The following SETD4 variants were observed in gnomAD, a reference collection of about 807,000 sequenced individuals.
SETD4 encodes SET domain containing 4, also known as SET domain-containing protein 4.
Under a neutral mutation model 58.3 loss-of-function variants are expected in SETD4, and 46 were observed. The observed-to-expected ratio is 0.79, with a 90% CI of 0.62 to 1.01. The LOEUF is 1.01. SETD4 is among the 50% of genes least tolerant of loss of function. The probability of loss-of-function intolerance (pLI) is 0.00; values close to 1 mark genes in which losing one functional copy is unlikely to be tolerated. For missense variants in SETD4, 490 were observed against 523.3 expected, an observed-to-expected ratio of 0.94 and a Z score of 0.62; for synonymous variants, 190 against 202.6, an observed-to-expected ratio of 0.94 and a Z score of 0.53.
intron 7 of SETD4, chr21:36,042,273 C>T (rs1488426760): frequency 6.5e-6 from 1 of 154,260 alleles, no homozygotes; most frequent in Non-Finnish European, 1.4e-5. Flanking sequence ...AACCAGAATT[C>T]AAAGCAGTCT....
rs1269784010 is a variant in SETD4, at chr21:36,036,240, C to T, written c.1200G>A (p.Met400Ile). ...TTATCAGGGCCTCTTTTTCATCCTT[C>T]ATATGAGACACCTGAAAGTTATTTT... ...TNAVLQKVSHMKDEKEALINQ... is the reference protein window; with the variant it reads ...TNAVLQKVSHIKDEKEALINQ... The change falls in exon 11 of 12, where the codon ATG becomes ATA. Residue 400 changes from methionine to isoleucine, a missense_variant. Met to Ile is a conservative substitution (Grantham distance 10). Transcript: ENST00000332131. 6.3e-7 allele frequency: 1 copy of T among 1,593,690 alleles called. No homozygotes were observed. Among genetic ancestry groups the T allele is most frequent in the East Asian group, 2.2e-5 (1 of 44,758 alleles).
In SETD4 at chr21:36,045,783, G is replaced by A. The variant is rs1432883305; in HGVS notation, c.525C>T (p.Asp175=). 3.7e-6 allele frequency: 6 copies of A among 1,614,208 alleles called. No individual in the cohort carries two copies. The highest frequency in any genetic ancestry group is 5.1e-6 in the Non-Finnish European group (6 of 1,180,036). ...HVQEFFASSR[D]FFSSLQPLFA... ...ACAGAGGCTGCAGAGAAGAGAAAAAGTCTCTGGAGGAAGCAAAGAACTCCT... is the reference window on the plus strand; with the variant it reads ...ACAGAGGCTGCAGAGAAGAGAAAAAATCTCTGGAGGAAGCAAAGAACTCCT... Residue 175 remains aspartate, a synonymous_variant, in exon 6 of 12, where the codon GAC becomes GAT. Coordinates refer to ENST00000332131, the MANE Select transcript of SETD4 (RefSeq NM_017438.5).
chr21:36,039,959 C>G (rs1176264611), intron 9 of SETD4, among the ~76,000 whole-genome samples: 1 of 152,238 alleles, frequency 6.6e-6, no homozygotes, highest in East Asian at 1.9e-4. Context: ...CCCTGGATAT[C>G]TAGCAGCAGA....
intron 9 of SETD4, among the ~76,000 whole-genome samples, chr21:36,038,660 AG>A (rs939108878): frequency 1.4e-4 from 21 of 152,254 alleles, no homozygotes; most frequent in African/African-American, 4.8e-4. Context: ...GAGCAAAGGC[AG>A]AAGTTTTCCT....
chr21:36,050,250 T>C, intron 4 of SETD4: 3 of 1,501,336 alleles, frequency 2.0e-6, no homozygotes, highest in East Asian at 2.3e-5. Flanking sequence ...GTTGTGGTTT[T>C]TGATAGATTG....
At chr21:36,038,926 AAAG>A (rs1334993353) in intron 9 of SETD4, among the ~76,000 whole-genome samples, 2 of 152,160 alleles carry the variant, frequency 1.3e-5, no homozygotes, top group East Asian at 1.9e-4. Flanking sequence ...TAGACACTAG[AAAG>A]AAGAACTACC....
chr21:36,044,182 C>T (rs1456425753), intron 6 of SETD4, among the ~76,000 whole-genome samples: 1 of 152,188 alleles, frequency 6.6e-6, no homozygotes, highest in Non-Finnish European at 1.5e-5. Context: ...GGCCACACCA[C>T]GACACCCGAC....
rs1178724814 is a variant in SETD4 at position 36,044,547 on chromosome 21, A to G, written c.727-591T>C. 3.3e-5 allele frequency among the ~76,000 whole-genome samples: 5 copies of G among 152,190 alleles called. No individual in the cohort carries two copies. The East Asian group carries it at 7.7e-4, about 23-fold the overall frequency. ...GTCCCCATGTCTAGCATCCTATCACACTACACACTCCTGATATTATTTCGT... is the reference window on the plus strand; with the variant it reads ...GTCCCCATGTCTAGCATCCTATCACGCTACACACTCCTGATATTATTTCGT... On this transcript the variant is annotated intron_variant, in intron 6 of 11. Coordinates refer to ENST00000332131, the MANE Select transcript of SETD4 (RefSeq NM_017438.5).
Position 36,038,218 on chromosome 21 carries a change from T to A in SETD4, c.1120A>T (p.Thr374Ser). ...GEVISDTNEK[T>S]SLDIAQKICY... ...ATTTTCTGGGCTATGTCCAAACTTG[T>A]CTTCTCATTCGTATCTGAAATTACC... The change falls in exon 10 of 12, where the codon ACA becomes TCA. Residue 374 changes from threonine to serine, a missense_variant. Transcript: ENST00000332131. The A allele has an allele frequency of 6.2e-7, 1 of 1,614,158 alleles. No individual in the cohort carries two copies. Among genetic ancestry groups the A allele is most frequent in the South Asian group, 1.1e-5 (1 of 91,074 alleles).
Position 36,048,426 on chromosome 21 carries a change from G to A in SETD4, c.208-30C>T, listed in dbSNP as rs201506123. 3,385 of 1,599,666 alleles carry A rather than the reference G, an allele frequency of 2.1e-3. 7 individuals carry two copies. Among genetic ancestry groups the A allele is most frequent in the Non-Finnish European group, 2.7e-3 (3,206 of 1,166,964 alleles). On this transcript the variant is annotated intron_variant, in intron 4 of 11. Coordinates refer to ENST00000332131, the MANE Select transcript of SETD4 (RefSeq NM_017438.5). The stretch of plus-strand genomic sequence containing the variant: ...CCAAAAGGAAAGTAAAGTTGAGGAC[G>A]CCTATGCTTTGGGAAGGACCCATGA...
intron 3 of SETD4, 134 bp from the exon 4 acceptor site, chr21:36,053,754 T>C: frequency 1.2e-6 from 1 of 857,764 alleles, no homozygotes; most frequent in Non-Finnish European, 1.9e-6. Flanking sequence ...AGCCTTTGAT[T>C]CCCAGGGGAA....
At chr21:36,058,193 T>G (rs2065082797) in intron 2 of SETD4, among the ~76,000 whole-genome samples, 1 of 151,650 alleles carries the variant, frequency 6.6e-6, no homozygotes, top group Non-Finnish European at 1.5e-5. Flanking sequence ...TAAAAAAGAG[T>G]GTTATTTAAG....
intron 4 of SETD4, among the ~76,000 whole-genome samples, chr21:36,052,049 T>G (rs1180903513): frequency 6.6e-6 from 1 of 150,544 alleles, no homozygotes; most frequent in Non-Finnish European, 1.5e-5. Context: ...TTTTAAATGA[T>G]GAAAACATTA....
In SETD4 at chr21:36,036,212, G is replaced by A. The variant is rs148061279; in HGVS notation, c.1228C>T (p.Gln410Ter). 7.9e-5 allele frequency: 128 copies of A among 1,612,020 alleles called. No individual in the cohort carries two copies. The highest frequency in any genetic ancestry group is 1.3e-4 in the Admixed American group (8 of 59,488). The change falls in exon 11 of 12, where the codon CAA becomes TAA. Residue 410 changes from glutamine (Q) to a stop codon, truncating the protein, a stop_gained. Transcript: ENST00000332131. LOFTEE classifies it high-confidence loss of function. ...CACAAGGATTCCACCAAAGTTAGTT[G>A]GTTTATCAGGGCCTCTTTTTCATCC... Reference protein sequence around the residue: ...MKDEKEALINQLTLVESLWTE... With the variant: ...MKDEKEALIN
chr21:36,049,131 C>T (rs2064508894), intron 4 of SETD4, among the ~76,000 whole-genome samples: 1 of 152,074 alleles, frequency 6.6e-6, no homozygotes, highest in South Asian at 2.1e-4. Context: ...TTCAGTGTCT[C>T]CCACGGAGAT....
chr21:36,054,471 G>A (rs2064876953), intron 3 of SETD4, among the ~76,000 whole-genome samples: 1 of 152,158 alleles, frequency 6.6e-6, no homozygotes, highest in African/African-American at 2.4e-5. Flanking sequence ...TCTCTTAGCT[G>A]GGAGGGAAAA....
At chr21:36,050,947 A>AAGGGAAG (rs1195585563) in intron 4 of SETD4, 5 of 1,609,926 alleles carry the variant, frequency 3.1e-6, no homozygotes, top group Non-Finnish European at 4.3e-6. Flanking sequence ...TTGAGTGAAC[A>AAGGGAAG]AGGGAAGCAG....
At chr21:36,041,773 G>T in intron 8 of SETD4, 34 bp downstream of exon 8, 1 of 1,399,960 alleles carries the variant, frequency 7.1e-7, no homozygotes. Context: ...ATTTCCTAAA[G>T]GAATAATTTT....
Position 36,045,511 on chromosome 21 carries a change from C to T in SETD4, c.726+71G>A, listed in dbSNP as rs1245601374. 4.5e-6 allele frequency: 7 copies of T among 1,546,716 alleles called. 1 individual carries two copies. The Middle Eastern group carries it at 9.2e-4, about 202-fold the overall frequency. On this transcript the variant is annotated intron_variant, in intron 6 of 11. Transcript: ENST00000332131. ...CTCCCTGTGGTGCCACCCACATCTACAGCCACAGGTTCTGGGCAGCGGAAG... is the reference window on the plus strand; with the variant it reads ...CTCCCTGTGGTGCCACCCACATCTATAGCCACAGGTTCTGGGCAGCGGAAG...
Sources: gnomAD v4.1 joint callset for allele counts (sites outside exome capture counted in the v4.1 genomes callset) on GRCh38, gnomAD v4.1.1 for gene constraint, MANE v1.5 for transcripts, NCBI Gene and HGNC (gene_info 2026-07-23, HGNC 2026-07-21) for gene names.